Variants in ATAD2B observed in about 807,000 individuals in gnomAD.
ATAD2B encodes the protein ATPase family AAA domain-containing protein 2B.
A neutral mutation model predicts 167.6 loss-of-function variants in ATAD2B; 40 were observed. The ratio of observed to expected loss-of-function variants is 0.24; its 90% confidence interval spans 0.19 to 0.31. ATAD2B has a LOEUF of 0.31. Among genes scored for constraint, ATAD2B ranks in the 10% least tolerant of loss-of-function variants. ATAD2B has a pLI of 1.00. For synonymous variants in ATAD2B, 579 were observed against 596.5 expected (o/e 0.97, Z 0.43); for missense variants, 1,242 against 1,757.2 (o/e 0.71, Z 5.24).
At chr2:23,896,153 CA>C (rs1158562523) in intron 1 of ATAD2B, among the ~76,000 whole-genome samples, 183 bp from the exon 2 acceptor site, 426 of 125,544 alleles carry the variant, frequency 3.4e-3, no homozygotes, top group Admixed American at 4.3e-3. Flanking sequence ...CCGCCTCTAC[CA>C]AAAAAAAAAA....
At chr2:23,862,075 C>G (rs1221186950) in intron 12 of ATAD2B, among the ~76,000 whole-genome samples, 1 of 151,992 alleles carries the variant, frequency 6.6e-6, no homozygotes, top group African/African-American at 2.4e-5. Flanking sequence ...TAGTGCACAC[C>G]TGTAGTTCTA....
chr2:23,721,084 AAC>A, the ATAD2B span, among the ~76,000 whole-genome samples: 1 of 152,160 alleles, frequency 6.6e-6, no homozygotes, highest in African/African-American at 2.4e-5. Flanking sequence ...CAGCCAGAGG[AAC>A]AGTGTGGGAG....
At chr2:23,887,761 A>AT (rs1285218421) in intron 4 of ATAD2B, 71 bp downstream of exon 4, 9 of 1,372,784 alleles carry the variant, frequency 6.6e-6, no homozygotes, top group African/African-American at 3.0e-5. Flanking sequence ...TGCTTATGTT[A>AT]TTTTTTTAAA....
intron 11 of ATAD2B, among the ~76,000 whole-genome samples, 198 bp downstream of exon 11, chr2:23,864,611 T>C (rs1029197949): frequency 1.3e-5 from 2 of 152,178 alleles, no homozygotes; most frequent in African/African-American, 4.8e-5. Flanking sequence ...CTGACTTAAA[T>C]CCTGAGATGT....
intron 1 of ATAD2B, among the ~76,000 whole-genome samples, chr2:23,903,714 A>T (rs1017968237): frequency 6.6e-6 from 1 of 152,240 alleles, no homozygotes; most frequent in Admixed American, 6.5e-5. Flanking sequence ...ATCTAAAAAC[A>T]AAAAGAATGA....
At chr2:23,784,681 G>C (rs113634754) in intron 21 of ATAD2B, among the ~76,000 whole-genome samples, 127 of 152,122 alleles carry the variant, frequency 8.3e-4, no homozygotes, top group African/African-American at 2.8e-3. Flanking sequence ...ATACCAAATA[G>C]GGGAGTGGAA....
At chr2:23,799,314 T>C (rs1162188122) in intron 18 of ATAD2B, among the ~76,000 whole-genome samples, 1 of 152,142 alleles carries the variant, frequency 6.6e-6, no homozygotes, top group Non-Finnish European at 1.5e-5. Flanking sequence ...GGCTCACGCC[T>C]GTAATCCCAG....
chr2:23,877,533 G>GAGGGGAAGGGAGGGGAGGGC (rs1382677274), intron 7 of ATAD2B, among the ~76,000 whole-genome samples: 1 of 85,116 alleles, frequency 1.2e-5, no homozygotes, highest in East Asian at 4.7e-4. Context: ...AAGGGGAGGG[G>GAGGGGAAGGGAGGGGAGGGC]AGGGGAAGGG....
At chr2:23,693,172 T>G in the ATAD2B span, 12 of 1,373,680 alleles carry the variant, frequency 8.7e-6, no homozygotes, top group Non-Finnish European at 1.1e-5. Flanking sequence ...TCCCCCGGGA[T>G]GTGGGTTCAG....
chr2:23,875,070 AG>A (rs1696625457), intron 8 of ATAD2B, among the ~76,000 whole-genome samples: 1 of 150,950 alleles, frequency 6.6e-6, no homozygotes, highest in African/African-American at 2.4e-5. Context: ...AAAAAAAAAA[AG>A]GATAATCAGG....
At chr2:23,888,036 GA>G (rs1451923796) in intron 3 of ATAD2B, 51 bp from the exon 4 acceptor site, 2 of 1,275,614 alleles carry the variant, frequency 1.6e-6, no homozygotes, top group Non-Finnish European at 2.0e-6. Context: ...CAGAAAGACA[GA>G]AAAGAAAAAA....
chr2:23,722,959 A>G, the ATAD2B span, among the ~76,000 whole-genome samples: 1 of 152,198 alleles, frequency 6.6e-6, no homozygotes, highest in African/African-American at 2.4e-5. Flanking sequence ...AAGGAACTGG[A>G]AACATCTTAA....
the ATAD2B span, among the ~76,000 whole-genome samples, chr2:23,730,665 CAAAAAAAAAAA>C: frequency 1.3e-3 from 42 of 31,994 alleles, no homozygotes; most frequent in African/African-American, 2.7e-3. Context: ...GACTCCGTTT[CAAAAAAAAAAA>C]AAAAAAAAAA....
At chr2:23,762,479 TGAAA>T in intron 23 of ATAD2B, 133 bp from the exon 24 acceptor site, 1 of 758,840 alleles carries the variant, frequency 1.3e-6, no homozygotes, top group Admixed American at 3.7e-5. Flanking sequence ...GCAGTTCCAA[TGAAA>T]GCAGTGTCTT....
chr2:23,789,929 G>A (rs1681399460), intron 19 of ATAD2B, among the ~76,000 whole-genome samples: 1 of 152,114 alleles, frequency 6.6e-6, no homozygotes, highest in Non-Finnish European at 1.5e-5. Flanking sequence ...GAAATTCTAA[G>A]AGAAGAAGAA....
intron 11 of ATAD2B, among the ~76,000 whole-genome samples, chr2:23,863,870 T>C (rs985738693): frequency 1.3e-5 from 2 of 152,214 alleles, no homozygotes; most frequent in South Asian, 2.1e-4. Context: ...GAATGATAGA[T>C]AGATTCAAAT....
At chr2:23,913,328 A>G (rs1461528440) in intron 1 of ATAD2B, among the ~76,000 whole-genome samples, 1 of 152,218 alleles carries the variant, frequency 6.6e-6, no homozygotes, top group Non-Finnish European at 1.5e-5. Context: ...TGAATTCAAT[A>G]TATTACTAAT....
intron 13 of ATAD2B, among the ~76,000 whole-genome samples, chr2:23,850,561 A>G (rs745603424): frequency 6.6e-6 from 1 of 152,238 alleles, no homozygotes. Context: ...TGAAAAAACT[A>G]CATACTGTTT....
chr2:23,831,627 C>T (rs1689088042), intron 14 of ATAD2B, among the ~76,000 whole-genome samples: 1 of 152,188 alleles, frequency 6.6e-6, no homozygotes, highest in African/African-American at 2.4e-5. Flanking sequence ...CAGAAAAAAA[C>T]TTCCCCAGAC....
Sources: gnomAD v4.1 joint callset for allele counts (sites outside exome capture counted in the v4.1 genomes callset) on GRCh38, gnomAD v4.1.1 for gene constraint, MANE v1.5 for transcripts, NCBI Gene and HGNC (gene_info 2026-07-23, HGNC 2026-07-21) for gene names.